The following AGBL4 variants were observed in gnomAD, a reference collection of about 807,000 sequenced individuals.
AGBL4 encodes AGBL carboxypeptidase 4, also known as cytosolic carboxypeptidase 6.
Under a neutral mutation model 66.4 loss-of-function variants are expected in AGBL4, and 58 were observed. The observed-to-expected ratio is 0.87, with a 90% confidence interval of 0.71 to 1.09. The LOEUF (loss-of-function observed/expected upper bound fraction) is 1.09. AGBL4 is among the 50% of genes least tolerant of loss of function. The pLI is 0.00. For missense variants in AGBL4, 579 were observed against 631.0 expected, an observed-to-expected ratio of 0.92 and a Z score of 0.88; for synonymous variants, 234 against 222.9, an observed-to-expected ratio of 1.05 and a Z score of -0.44.
At chr1:49,589,266 GGTAT>G (rs1281735778) in intron 3 of AGBL4, among the ~76,000 whole-genome samples, 1 of 151,974 alleles carries the variant, frequency 6.6e-6, no homozygotes, top group African/African-American at 2.4e-5. Context: ...TAAGCATCCA[GGTAT>G]GAATTCCCAA....
intron 2 of AGBL4, among the ~76,000 whole-genome samples, chr1:49,764,004 C>T (rs903030693): frequency 3.9e-5 from 6 of 151,980 alleles, no homozygotes; most frequent in African/African-American, 1.5e-4. Context: ...ACCTGGCCAG[C>T]GCAGGCAGTC....
intron 3 of AGBL4, among the ~76,000 whole-genome samples, chr1:49,665,956 C>T (rs932756548): frequency 1.3e-5 from 2 of 150,710 alleles, no homozygotes; most frequent in Non-Finnish European, 3.0e-5. Context: ...AAGAAGTACA[C>T]ACTAAATCTT....
At chr1:49,268,393 T>G (rs954345813) in intron 3 of AGBL4, 3 of 148,346 alleles carry the variant, frequency 2.0e-5, no homozygotes, top group Non-Finnish European at 4.4e-5. Context: ...AAAATTCCTT[T>G]CCTTTTTTTT....
chr1:49,567,264 C>T (rs1644230592), intron 3 of AGBL4, among the ~76,000 whole-genome samples: 2 of 152,206 alleles, frequency 1.3e-5, no homozygotes, highest in South Asian at 4.1e-4. Context: ...GAGGTGATGC[C>T]TCGCCCTGCT....
intron 2 of AGBL4, among the ~76,000 whole-genome samples, chr1:49,806,165 G>A (rs1644972560): frequency 6.6e-6 from 1 of 152,208 alleles, no homozygotes. Flanking sequence ...GGGAGTTATA[G>A]AGAAAGCCTC....
intron 9 of AGBL4, among the ~76,000 whole-genome samples, chr1:48,622,629 A>C (rs573839162): frequency 6.6e-6 from 1 of 151,774 alleles, no homozygotes; most frequent in Non-Finnish European, 1.5e-5. Context: ...GACTACAGGC[A>C]CCCACCACCA....
At chr1:49,534,171 C>CA (rs71059553) in intron 3 of AGBL4, among the ~76,000 whole-genome samples, 39,075 of 66,964 alleles carry the variant, frequency 0.58, 11,123 homozygotes, top group Non-Finnish European at 0.66. Context: ...CACCATTTTA[C>CA]AAAAAAAAAA....
At chr1:48,808,369 C>CT (rs1163550757) in intron 6 of AGBL4, among the ~76,000 whole-genome samples, 1 of 152,134 alleles carries the variant, frequency 6.6e-6, no homozygotes, top group Non-Finnish European at 1.5e-5. Context: ...AGTACTCCTG[C>CT]TTTTTTTGTC....
chr1:49,193,347 C>T (rs7551542), intron 4 of AGBL4, among the ~76,000 whole-genome samples: 65,692 of 151,580 alleles, frequency 0.43, 16,845 homozygotes, highest in Non-Finnish European at 0.58. Flanking sequence ...TATAAACTTC[C>T]ATCTTATCAC....
intron 2 of AGBL4, among the ~76,000 whole-genome samples, chr1:49,746,054 G>T (rs1479976580): frequency 6.6e-6 from 1 of 151,878 alleles, no homozygotes; most frequent in Non-Finnish European, 1.5e-5. Flanking sequence ...TATCACCCAA[G>T]AAGCTATTAA....
intron 6 of AGBL4, among the ~76,000 whole-genome samples, chr1:48,745,082 T>C (rs1650530124): frequency 6.6e-6 from 1 of 152,216 alleles, no homozygotes; most frequent in Non-Finnish European, 1.5e-5. Context: ...ACTATAAAGC[T>C]CTTCAAGAGC....
chr1:49,249,123 T>G lies in AGBL4; in HGVS notation c.283-3259A>C, dbSNP rs375033226. On this transcript the variant is annotated intron_variant, in intron 3 of 13. Transcript: ENST00000371839. ...ACAGCCTGCGTGCAGTCCTAAAGAG[T>G]GGCCTTGATTCTGTCTTGTCATATA... Among the ~76,000 whole-genome samples the G allele has an allele frequency of 3.3e-5, 5 of 151,978 alleles. No individual in the cohort carries two copies. In the East Asian group the frequency reaches 9.7e-4, roughly 29 times the overall value.
At chr1:48,845,806 G>T (rs916579943) in intron 6 of AGBL4, among the ~76,000 whole-genome samples, 10 of 152,154 alleles carry the variant, frequency 6.6e-5, no homozygotes, top group African/African-American at 2.4e-4. Context: ...CAAGTTATTT[G>T]CTCTCTGAGA....
intron 5 of AGBL4, among the ~76,000 whole-genome samples, chr1:48,959,057 C>CCA (rs1388800448): frequency 6.6e-6 from 1 of 152,122 alleles, no homozygotes; most frequent in Admixed American, 6.5e-5. Context: ...TAGAAGTATT[C>CCA]CACAAGTGAT....
chr1:49,621,298 T>C (rs1001663557), intron 3 of AGBL4, among the ~76,000 whole-genome samples: 10 of 152,190 alleles, frequency 6.6e-5, no homozygotes, highest in Non-Finnish European at 1.3e-4. Flanking sequence ...GCGTCCACAC[T>C]ACTGCTGTGT....
chr1:48,596,264 A>C (rs2148356006), intron 9 of AGBL4, among the ~76,000 whole-genome samples: 1 of 152,212 alleles, frequency 6.6e-6, no homozygotes. Context: ...GATTGTGGGG[A>C]TCTGTGACTG....
chr1:48,584,829 T>G (rs1280352744), intron 11 of AGBL4: 1 of 152,242 alleles, frequency 6.6e-6, no homozygotes, highest in East Asian at 1.9e-4. Context: ...GACATTCTTG[T>G]CTTTAGTATG....
At chr1:48,571,729 A>T (rs1644567141) in intron 11 of AGBL4, among the ~76,000 whole-genome samples, 1 of 152,242 alleles carries the variant, frequency 6.6e-6, no homozygotes, top group South Asian at 2.1e-4. Flanking sequence ...AGCAAATTAA[A>T]ATAACTGGCC....
At chr1:48,799,851 C>A (rs1645769736) in intron 6 of AGBL4, among the ~76,000 whole-genome samples, 3 of 152,162 alleles carry the variant, frequency 2.0e-5, no homozygotes, top group Admixed American at 2.0e-4. Context: ...ATGAAACCTA[C>A]TTGACCATGA....
Sources: gnomAD v4.1 joint callset for allele counts (sites outside exome capture counted in the v4.1 genomes callset) on GRCh38, gnomAD v4.1.1 for gene constraint, MANE v1.5 for transcripts, NCBI Gene and HGNC (gene_info 2026-07-23, HGNC 2026-07-21) for gene names.